Variants in GOLGA8B observed in about 807,000 individuals in gnomAD.
GOLGA8B encodes the protein golgin A8 family member B, also known as golgin subfamily A member 8B.
GOLGA8B carries 1 observed loss-of-function variant against 15.6 expected under a neutral mutation model. That is an observed-to-expected ratio of 0.06 (90% CI 0.02 to 0.30). The LOEUF (loss-of-function observed/expected upper bound fraction) is 0.30. Ranked by LOEUF, GOLGA8B falls within the 10% of genes least tolerant of loss-of-function variation. The pLI is 1.00. For synonymous variants in GOLGA8B, 9 were observed against 80.3 expected, an observed-to-expected ratio of 0.11 and a Z score of 4.75; for missense variants, 17 against 201.3, an observed-to-expected ratio of 0.08 and a Z score of 5.54.
chr15:34,572,466 C>T (rs1266399985), intron 1 of GOLGA8B, among the ~76,000 whole-genome samples: 3 of 152,304 alleles, frequency 2.0e-5, no homozygotes, highest in African/African-American at 2.4e-5. Context: ...ATGCTGCTTG[C>T]GCAAAGGACA....
rs139226368 is a variant in GOLGA8B at position 34,526,018 on chromosome 15, C to A, written c.*1614G>T. On this transcript the variant is annotated 3_prime_UTR_variant, in exon 24 of 24. Coordinates refer to ENST00000683415, the MANE Select transcript of GOLGA8B (RefSeq NM_001023567.5). ...TAACTGTTGATTCTTTCCCAAGCAT[C>A]ATCAAGTTATGATTTAGGCAATGTA... is the stretch of plus-strand genomic sequence containing the variant. The A allele has an allele frequency of 5.8e-3, 867 of 149,572 alleles. 68 individuals are homozygous for A. The highest frequency in any genetic ancestry group is 0.02 in the African/African-American group (814 of 40,454). 9.3% of individuals were successfully genotyped at this position (149,572 alleles called of 1,614,324 possible). A position where few individuals can be genotyped will look rare whatever the true frequency, so the allele number is the denominator to read the frequency against.
chr15:34,575,924 C>G (rs115927517), intron 1 of GOLGA8B, among the ~76,000 whole-genome samples: 1 of 152,176 alleles, frequency 6.6e-6, no homozygotes, highest in Non-Finnish European at 1.5e-5. Flanking sequence ...CTACTGAGTG[C>G]ATGGGTGGAT....
intron 1 of GOLGA8B, chr15:34,581,405 T>G (rs532622841): frequency 2.0e-5 from 3 of 152,352 alleles, no homozygotes; most frequent in South Asian, 4.1e-4. Context: ...CTGGGAAAAA[T>G]CAAGGTGTCT....
chr15:34,580,095 A>G (rs1289892482), intron 1 of GOLGA8B, among the ~76,000 whole-genome samples: 1 of 152,158 alleles, frequency 6.6e-6, no homozygotes, highest in African/African-American at 2.4e-5. Flanking sequence ...GCAGGTGCAA[A>G]GGCCTGGAGG....
intron 1 of GOLGA8B, among the ~76,000 whole-genome samples, chr15:34,573,544 A>C (rs1329299876): frequency 1.8e-3 from 118 of 66,356 alleles, no homozygotes; most frequent in Non-Finnish European, 1.1e-3. Context: ...CTCAAAAAAA[A>C]AAAAAAAAAA....
At chr15:34,575,648 C>T (rs1344989226) in intron 1 of GOLGA8B, among the ~76,000 whole-genome samples, 3 of 152,106 alleles carry the variant, frequency 2.0e-5, no homozygotes, top group African/African-American at 4.8e-5. Flanking sequence ...GCCCTTCTGC[C>T]GAGAGGGCTC....
At position 34,527,159 on chromosome 15, in the gene GOLGA8B, C is replaced by T. The variant is rs192374245; in HGVS notation, c.*473G>A. ...AAACAGTGCACACTTGAGGGCAAAC[C>T]GCATATTGAGCTATGGAAGAGCTCA... On this transcript the variant is annotated 3_prime_UTR_variant, in exon 24 of 24. Transcript: ENST00000683415. 4.0e-4 allele frequency: 116 copies of T among 291,458 alleles called. 6 individuals carry two copies. The highest frequency in any genetic ancestry group is 6.6e-4 in the Non-Finnish European group (100 of 151,942). 18.1% of individuals were successfully genotyped at this position (291,458 alleles called of 1,614,324 possible). A position where few individuals can be genotyped will look rare whatever the true frequency, so the allele number is the denominator to read the frequency against.
At chr15:34,579,809 C>G (rs1345014959) in intron 1 of GOLGA8B, among the ~76,000 whole-genome samples, 1 of 152,218 alleles carries the variant, frequency 6.6e-6, no homozygotes, top group Non-Finnish European at 1.5e-5. Flanking sequence ...CCAACAACAG[C>G]ACTAAGGCTC....
At chr15:34,554,064 G>A (rs374809651) in intron 1 of GOLGA8B, 108 bp from the exon 2 acceptor site, 18 of 139,880 alleles carry the variant, frequency 1.3e-4, no homozygotes, top group East Asian at 6.6e-4. Flanking sequence ...ACACCGTGTC[G>A]TTGTAGGACA....
At chr15:34,569,533 C>T (rs1408003455) in intron 1 of GOLGA8B, among the ~76,000 whole-genome samples, 3 of 151,350 alleles carry the variant, frequency 2.0e-5, no homozygotes, top group African/African-American at 4.8e-5. Context: ...TGGCAACACC[C>T]ACCCATCAGT....
At chr15:34,559,649 G>C (rs2140342378) in intron 1 of GOLGA8B, among the ~76,000 whole-genome samples, 1 of 99,878 alleles carries the variant, frequency 1.0e-5, no homozygotes, top group Middle Eastern at 4.1e-3. Context: ...CTTGTAAACA[G>C]CCAGATCTCT....
At chr15:34,577,549 C>T (rs1377538884) in intron 1 of GOLGA8B, among the ~76,000 whole-genome samples, 1 of 139,234 alleles carries the variant, frequency 7.2e-6, no homozygotes, top group Non-Finnish European at 1.6e-5. Context: ...CACACACACA[C>T]ACACACACAC....
At chr15:34,574,305 T>TC (rs201360653) in intron 1 of GOLGA8B, among the ~76,000 whole-genome samples, 190 of 30,418 alleles carry the variant, frequency 6.2e-3, no homozygotes, top group African/African-American at 0.029. Context: ...AAATCAGACT[T>TC]TTTTTTTTTT....
intron 7 of GOLGA8B, among the ~76,000 whole-genome samples, chr15:34,543,218 G>A (rs879913986): frequency 1.7e-3 from 202 of 116,500 alleles, no homozygotes; most frequent in Middle Eastern, 4.4e-3. Context: ...GTCTCACTCT[G>A]TCACCCAGGC....
At chr15:34,573,929 T>C (rs1488964049) in intron 1 of GOLGA8B, among the ~76,000 whole-genome samples, 1 of 151,166 alleles carries the variant, frequency 6.6e-6, no homozygotes, top group African/African-American at 2.5e-5. Context: ...GAGGGCTTGG[T>C]TTCAACCTAT....
chr15:34,569,836 C>G (rs1196498383), intron 1 of GOLGA8B, among the ~76,000 whole-genome samples: 1 of 150,628 alleles, frequency 6.6e-6, no homozygotes. Flanking sequence ...ACTCCAAGGT[C>G]AAGGCTAGAA....
intron 1 of GOLGA8B, among the ~76,000 whole-genome samples, chr15:34,573,883 G>A (rs1402113343): frequency 1.3e-5 from 2 of 151,330 alleles, no homozygotes; most frequent in African/African-American, 4.9e-5. Context: ...GGACTCCCAG[G>A]TACCTGTGGA....
chr15:34,565,055 G>C (rs1758206793), intron 1 of GOLGA8B, among the ~76,000 whole-genome samples: 1 of 143,818 alleles, frequency 7.0e-6, no homozygotes, highest in African/African-American at 2.5e-5. Flanking sequence ...GAAGGTGGTT[G>C]AGTTTAGCTC....
chr15:34,571,195 C>T (rs558596194), intron 1 of GOLGA8B, among the ~76,000 whole-genome samples: 8 of 152,086 alleles, frequency 5.3e-5, no homozygotes, highest in Non-Finnish European at 1.2e-4. Context: ...GCGTGGTGGA[C>T]CCTACTACTT....
Sources: allele counts gnomAD v4.1 joint callset (sites outside exome capture counted in the v4.1 genomes callset), GRCh38; gene constraint gnomAD v4.1.1; transcripts MANE v1.5; gene names NCBI Gene and HGNC (gene_info 2026-07-23, HGNC 2026-07-21).